Variants in C5orf34 observed in about 807,000 individuals in gnomAD.
C5orf34 encodes uncharacterized protein C5orf34.
C5orf34 carries 73 observed loss-of-function variants against 78.4 expected under a neutral mutation model. The observed-to-expected ratio is 0.93, with a 90% CI of 0.77 to 1.13. The LOEUF (loss-of-function observed/expected upper bound fraction) is 1.13. Among genes scored for constraint, C5orf34 ranks in the 50% most tolerant of loss-of-function variants. The probability of loss-of-function intolerance (pLI) is 0.00; values close to 1 mark genes in which losing one functional copy is unlikely to be tolerated. For synonymous variants in C5orf34, 251 were observed against 246.6 expected (o/e 1.02, Z -0.17); for missense variants, 730 against 732.7 (o/e 1.00, Z 0.04).
intron 6 of C5orf34, chr5:43,495,255 C>A: frequency 1.9e-6 from 3 of 1,606,732 alleles, no homozygotes; most frequent in Non-Finnish European, 1.7e-6. Context: ...ACCATATCAA[C>A]AATGGCAGCA....
Position 43,506,006 on chromosome 5 carries a change from G to A in C5orf34, c.674C>T (p.Pro225Leu). Residue 225 changes from proline (P) to leucine (L), a missense_variant, in exon 4 of 13, where the codon CCT becomes CTT. Coordinates refer to ENST00000306862, the MANE Select transcript of C5orf34 (RefSeq NM_198566.4). ...ACATGTGTGCTTTGTACCAGGCGAA[G>A]GCAGCTCTTCCCTCCCTTCAGTTCC... ...VNGTEGREELPSPGTKHTCVY... is the reference protein window; with the variant it reads ...VNGTEGREELLSPGTKHTCVY... 2 of 1,614,132 alleles carry A rather than the reference G, an allele frequency of 1.2e-6. No individual in the cohort carries two copies. The highest frequency in any genetic ancestry group is 1.7e-6 in the Non-Finnish European group (2 of 1,180,024).
chr5:43,508,738 TATAATCC>T (rs1478335598), intron 2 of C5orf34, 72 bp from the exon 3 acceptor site: 2 of 920,028 alleles, frequency 2.2e-6, no homozygotes, highest in African/African-American at 3.3e-5. Flanking sequence ...GACAGTACAG[TATAATCC>T]ATAATACTAA....
At chr5:43,510,475 C>T (rs1395137992) in intron 1 of C5orf34, among the ~76,000 whole-genome samples, 1 of 152,212 alleles carries the variant, frequency 6.6e-6, no homozygotes, top group East Asian at 1.9e-4. Flanking sequence ...TTTCTACGGT[C>T]TCCCTCTGAT....
At chr5:43,504,042 G>T (rs987973400) in intron 4 of C5orf34, among the ~76,000 whole-genome samples, 14 of 152,136 alleles carry the variant, frequency 9.2e-5, no homozygotes, top group Non-Finnish European at 1.8e-4. Context: ...GCTAGGCATG[G>T]TGGCTCATGC....
At chr5:43,492,182 A>C (rs772493531) in intron 10 of C5orf34, 33 bp downstream of exon 10, 32 of 1,404,452 alleles carry the variant, frequency 2.3e-5, no homozygotes, top group Admixed American at 3.7e-5. Flanking sequence ...AAAGTAAAAC[A>C]TAAAAATAAT....
rs954976844 is a variant in C5orf34, at chr5:43,494,680, T to C, written c.1153-79A>G. The C allele has an allele frequency of 6.8e-6, 5 of 734,984 alleles. No homozygotes were observed. The African/African-American group carries it at 7.1e-5, about 10-fold the overall frequency. The allele number at this position is 734,984 out of a possible 1,614,324, so 45.5% of individuals were successfully genotyped here. Reference sequence around the variant, plus strand: ...TACTTAGCTGCTTTTCCTTGAAATATGTTTTTACAATAGTGACAAGACGAG... The same window carrying C: ...TACTTAGCTGCTTTTCCTTGAAATACGTTTTTACAATAGTGACAAGACGAG... On this transcript the variant is annotated intron_variant, in intron 6 of 12. Transcript: ENST00000306862.
Position 43,492,315 on chromosome 5 carries a change from G to A in C5orf34, c.1486-6C>T. 1 of 1,552,526 alleles carries A rather than the reference G, an allele frequency of 6.4e-7. No homozygotes were observed. The highest frequency in any genetic ancestry group is 8.8e-7 in the Non-Finnish European group (1 of 1,130,956). ...AAGTTAAGACCTTGATTTACCTGAAGAAGTAGAAAGATAAGTTTTATCATT... is the reference window on the plus strand; with the variant it reads ...AAGTTAAGACCTTGATTTACCTGAAAAAGTAGAAAGATAAGTTTTATCATT... On this transcript the variant is annotated splice_region_variant and splice_polypyrimidine_tract_variant and intron_variant, in intron 9 of 12. Transcript: ENST00000306862.
At chr5:43,495,631 C>A in intron 6 of C5orf34, 1 of 1,602,342 alleles carries the variant, frequency 6.2e-7, no homozygotes, top group Non-Finnish European at 8.6e-7. Context: ...AGGTGACCAC[C>A]ACACCAGGTT....
chr5:43,510,492 C>T (rs536776816), intron 1 of C5orf34, among the ~76,000 whole-genome samples: 2 of 152,216 alleles, frequency 1.3e-5, no homozygotes, highest in East Asian at 1.9e-4. Flanking sequence ...TGATGCCTAG[C>T]GGAAGCTGGA....
intron 1 of C5orf34, among the ~76,000 whole-genome samples, chr5:43,512,757 TGTC>T (rs1378817854): frequency 9.7e-6 from 1 of 102,778 alleles, no homozygotes; most frequent in Non-Finnish European, 2.0e-5. Flanking sequence ...TGCCCCACCT[TGTC>T]TTTTTTTTTT....
At chr5:43,496,466 G>A in intron 6 of C5orf34, 1 of 1,560,910 alleles carries the variant, frequency 6.4e-7, no homozygotes, top group African/African-American at 1.4e-5. Flanking sequence ...TTGGCTTTTA[G>A]GGGTAGTTTT....
At chr5:43,491,057 C>T (rs116787384) in intron 10 of C5orf34, among the ~76,000 whole-genome samples, 2,031 of 152,150 alleles carry the variant, frequency 0.013, 42 homozygotes, top group African/African-American at 0.046. Context: ...AAGTAAAATG[C>T]GTTTAAGTTT....
intron 1 of C5orf34, among the ~76,000 whole-genome samples, chr5:43,510,044 C>T (rs768710313): frequency 1.3e-5 from 2 of 152,094 alleles, no homozygotes; most frequent in Admixed American, 1.3e-4. Flanking sequence ...TGAGCCACTG[C>T]GCCCGGCCTA....
chr5:43,490,764 A>G (rs745459135), intron 10 of C5orf34, 35 bp from the exon 11 acceptor site: 19 of 999,196 alleles, frequency 1.9e-5, no homozygotes, highest in African/African-American at 3.2e-5. Flanking sequence ...TACTTGAAAA[A>G]TGAACTTGAA....
chr5:43,489,052 A>T (rs1051532492), intron 11 of C5orf34, among the ~76,000 whole-genome samples: 1 of 152,106 alleles, frequency 6.6e-6, no homozygotes, highest in African/African-American at 2.4e-5. Flanking sequence ...AAGAACTTGG[A>T]TACAACTTAC....
In C5orf34 at chr5:43,506,163, G is replaced by A; in HGVS notation, c.517C>T (p.Leu173=). 6.2e-7 allele frequency: 1 copy of A among 1,614,092 alleles called. No individual in the cohort carries two copies. The highest frequency in any genetic ancestry group is 8.5e-7 in the Non-Finnish European group (1 of 1,180,006). Residue 173 remains leucine (L), a synonymous_variant, in exon 4 of 13, where the codon CTA becomes TTA. Transcript: ENST00000306862. ...ETNNKAPKDK[L]VEKTGKICIR... ...CAGATTTTGCCAGTTTTTTCAACTA[G>A]TTTATCTTTTGGGGCTTTATTATTT...
At chr5:43,505,691 C>T (rs1416214704) in intron 4 of C5orf34, 57 bp downstream of exon 4, 5 of 1,424,874 alleles carry the variant, frequency 3.5e-6, no homozygotes, top group Non-Finnish European at 4.6e-6. Context: ...GAAAATTATC[C>T]AGGTTAAGAC....
chr5:43,499,118 TGAG>T (rs1194638371), intron 6 of C5orf34, among the ~76,000 whole-genome samples: 5 of 152,170 alleles, frequency 3.3e-5, no homozygotes, highest in African/African-American at 1.2e-4. Context: ...AGAAAAAACA[TGAG>T]GATGTCATGA....
chr5:43,493,348 T>C (rs2112275927), intron 8 of C5orf34, among the ~76,000 whole-genome samples, 195 bp downstream of exon 8: 1 of 152,180 alleles, frequency 6.6e-6, no homozygotes, highest in African/African-American at 2.4e-5. Flanking sequence ...AAGAACCATA[T>C]ACAATAAAAC....
Sources: allele counts gnomAD v4.1 joint callset (sites outside exome capture counted in the v4.1 genomes callset), GRCh38; gene constraint gnomAD v4.1.1; transcripts MANE v1.5; gene names NCBI Gene and HGNC (gene_info 2026-07-23, HGNC 2026-07-21).